The following DGKG variants were observed in gnomAD, a reference collection of about 807,000 sequenced individuals.
The protein encoded by DGKG is diacylglycerol kinase gamma.
In DGKG, 78 loss-of-function variants were observed where a neutral mutation model predicts 105.3. The observed-to-expected ratio is 0.74, with a 90% CI of 0.62 to 0.89. DGKG has a LOEUF of 0.89. DGKG is among the 40% of genes least tolerant of loss of function. DGKG has a pLI of 0.00. For synonymous variants in DGKG, 346 were observed against 367.1 expected, an observed-to-expected ratio of 0.94 and a Z score of 0.66; for missense variants, 958 against 1,020.1, an observed-to-expected ratio of 0.94 and a Z score of 0.83.
intron 3 of DGKG, chr3:186,306,673 A>G: frequency 2.1e-6 from 1 of 478,604 alleles, no homozygotes; most frequent in South Asian, 3.3e-5. Flanking sequence ...GAGGGGTGAG[A>G]GATGAGCAGA....
chr3:186,149,797 G>A lies in DGKG; in HGVS notation c.*293C>T. The A allele has an allele frequency of 8.9e-7, 1 of 1,127,200 alleles. No homozygotes were observed. The highest frequency in any genetic ancestry group is 1.6e-5 in the African/African-American group (1 of 61,462). 69.8% of individuals were successfully genotyped at this position (1,127,200 alleles called of 1,614,324 possible). ...TTCAGTCTCAGAAAATTCTGCTCAA[G>A]GCCTGTGGGAATGTGGAGGTTGCTG... is the stretch of plus-strand genomic sequence containing the variant. On this transcript the variant is annotated 3_prime_UTR_variant, in exon 25 of 25. Transcript: ENST00000265022.
chr3:186,173,641 C>T (rs1270422294), intron 22 of DGKG, among the ~76,000 whole-genome samples: 1 of 152,270 alleles, frequency 6.6e-6, no homozygotes, highest in Non-Finnish European at 1.5e-5. Context: ...CTGGGCACTG[C>T]TCAGCTCCTC....
intron 2 of DGKG, among the ~76,000 whole-genome samples, chr3:186,308,394 T>G (rs963690890): frequency 2.0e-5 from 3 of 152,128 alleles, no homozygotes; most frequent in African/African-American, 7.2e-5. Flanking sequence ...TGTGGGTAAT[T>G]AAGAGCTTTC....
intron 5 of DGKG, among the ~76,000 whole-genome samples, chr3:186,289,401 A>T (rs1723217299): frequency 6.6e-6 from 1 of 152,194 alleles, no homozygotes; most frequent in Admixed American, 6.5e-5. Flanking sequence ...ACTCAAACTA[A>T]CTGCAAGTCT....
chr3:186,355,482 TA>T (rs1726899364), intron 1 of DGKG, among the ~76,000 whole-genome samples: 3 of 136,480 alleles, frequency 2.2e-5, no homozygotes, highest in African/African-American at 5.6e-5. Context: ...CCACAACCAC[TA>T]CCATCACCAC....
At chr3:186,279,732 G>A (rs1722744227) in intron 9 of DGKG, 119 bp downstream of exon 9, 5 of 1,171,570 alleles carry the variant, frequency 4.3e-6, no homozygotes, top group Non-Finnish European at 4.8e-6. Flanking sequence ...CTTTGGGGCT[G>A]GTCATGGCAC....
At chr3:186,170,190 A>G (rs1011468386) in intron 22 of DGKG, among the ~76,000 whole-genome samples, 1 of 152,200 alleles carries the variant, frequency 6.6e-6, no homozygotes, top group Non-Finnish European at 1.5e-5. Context: ...CCCTATACCA[A>G]TTAAATCAGA....
chr3:186,327,690 T>C (rs1011629510), intron 1 of DGKG, among the ~76,000 whole-genome samples: 2 of 151,974 alleles, frequency 1.3e-5, no homozygotes, highest in Admixed American at 1.3e-4. Context: ...TGAGATTATA[T>C]GTGAGCCTCT....
chr3:186,320,016 C>G (rs1046607096), intron 2 of DGKG, among the ~76,000 whole-genome samples: 1 of 152,164 alleles, frequency 6.6e-6, no homozygotes, highest in African/African-American at 2.4e-5. Context: ...ATGACCTGAG[C>G]AAATACATAC....
chr3:186,160,735 T>C (rs1194302941), intron 24 of DGKG: 2 of 985,276 alleles, frequency 2.0e-6, no homozygotes, highest in Non-Finnish European at 2.4e-6. Context: ...TTATTGAGGG[T>C]ATTACGCATG....
chr3:186,297,584 T>C, intron 4 of DGKG, 101 bp from the exon 5 acceptor site: 1 of 826,520 alleles, frequency 1.2e-6, no homozygotes. Flanking sequence ...GCCTTGATTG[T>C]GTCTGTGTCT....
intron 3 of DGKG, among the ~76,000 whole-genome samples, chr3:186,301,254 G>T (rs1232796014): frequency 6.6e-6 from 1 of 152,064 alleles, no homozygotes; most frequent in Non-Finnish European, 1.5e-5. Context: ...CCATCTGTTG[G>T]TCCTCCCACC....
At chr3:186,181,034 G>A (rs1223427472) in intron 22 of DGKG, among the ~76,000 whole-genome samples, 1 of 152,238 alleles carries the variant, frequency 6.6e-6, no homozygotes, top group Non-Finnish European at 1.5e-5. Context: ...GTTGGTTTGA[G>A]TGCTAGGCTA....
chr3:186,211,309 C>A (rs1578670939), intron 21 of DGKG, among the ~76,000 whole-genome samples: 1 of 152,202 alleles, frequency 6.6e-6, no homozygotes, highest in African/African-American at 2.4e-5. Flanking sequence ...ACCCTGGGTA[C>A]CTGTGAGTCA....
In DGKG at chr3:186,299,832, TCTTTC is replaced by T. The variant is rs1228328712; in HGVS notation, c.145-1608_145-1604del. On this transcript the variant is annotated intron_variant, in intron 3 of 24. Transcript: ENST00000265022. ...TTCTTTCTTTCTTTCTTTCTTTCTT[TCTTTC>T]TTTTTTTTTTTTTTTGAGATAGAGC... Among the ~76,000 whole-genome samples, 117 of 124,004 alleles carry T rather than the reference TCTTTC, an allele frequency of 9.4e-4. 2 individuals are homozygous for T. The highest frequency in any genetic ancestry group is 1.6e-3 in the African/African-American group (51 of 32,658). 81.4% of individuals were successfully genotyped at this position (124,004 alleles called of 152,430 possible).
At chr3:186,265,862 G>A (rs2108578666) in intron 13 of DGKG, among the ~76,000 whole-genome samples, 1 of 151,916 alleles carries the variant, frequency 6.6e-6, no homozygotes, top group East Asian at 1.9e-4. Flanking sequence ...AGTAGAGATG[G>A]GGTTTCACCA....
intron 7 of DGKG, among the ~76,000 whole-genome samples, chr3:186,283,711 T>G (rs527538684): frequency 3.3e-5 from 5 of 152,326 alleles, no homozygotes; most frequent in African/African-American, 1.2e-4. Context: ...ATGCAGATAC[T>G]CAGTAAATAT....
At chr3:186,242,470 G>A (rs765001794) in intron 20 of DGKG, 34 bp downstream of exon 20, 14 of 1,583,624 alleles carry the variant, frequency 8.8e-6, no homozygotes, top group Middle Eastern at 1.7e-4. Flanking sequence ...GGCCACACTG[G>A]GTGGGTGGCA....
chr3:186,340,403 T>C (rs1726034386), intron 1 of DGKG, among the ~76,000 whole-genome samples: 1 of 152,204 alleles, frequency 6.6e-6, no homozygotes, highest in South Asian at 2.1e-4. Flanking sequence ...TGAATGTGTT[T>C]AATAAATTAC....
Sources: allele counts gnomAD v4.1 joint callset (sites outside exome capture counted in the v4.1 genomes callset), GRCh38; gene constraint gnomAD v4.1.1; transcripts MANE v1.5; gene names NCBI Gene and HGNC (gene_info 2026-07-23, HGNC 2026-07-21).